The following ROBO1 variants were observed in gnomAD, a reference collection of about 807,000 sequenced individuals.
ROBO1 encodes the protein roundabout homolog 1.
In ROBO1, 149 loss-of-function variants were observed where a neutral mutation model predicts 195.9. The observed-to-expected ratio is 0.76, with a 90% confidence interval of 0.67 to 0.87. The LOEUF (loss-of-function observed/expected upper bound fraction) is 0.87. Ranked by LOEUF, ROBO1 falls within the 40% of genes least tolerant of loss-of-function variation. ROBO1 has a pLI of 0.00. For synonymous variants in ROBO1, 816 were observed against 733.2 expected (o/e 1.11, Z -1.82); for missense variants, 1,933 against 2,068.3 (o/e 0.93, Z 1.27).
chr3:79,569,963 T>G (rs1943225779), intron 2 of ROBO1, among the ~76,000 whole-genome samples: 1 of 150,792 alleles, frequency 6.6e-6, no homozygotes, highest in Admixed American at 6.6e-5. Flanking sequence ...TGGCCTGGCA[T>G]AGTGATGTTC....
chr3:78,614,012 A>G (rs1703964240), intron 28 of ROBO1, among the ~76,000 whole-genome samples: 2 of 152,204 alleles, frequency 1.3e-5, no homozygotes, highest in South Asian at 2.1e-4. Context: ...TAAAATGAGA[A>G]GGTGGTGGTT....
intron 28 of ROBO1, among the ~76,000 whole-genome samples, chr3:78,611,629 A>G (rs1013305432): frequency 2.0e-5 from 3 of 152,182 alleles, no homozygotes; most frequent in Non-Finnish European, 4.4e-5. Flanking sequence ...TTTGGCCACA[A>G]TGCCGGGTGT....
chr3:79,460,986 T>G (rs1289396299), intron 2 of ROBO1, among the ~76,000 whole-genome samples: 1 of 152,122 alleles, frequency 6.6e-6, no homozygotes, highest in Non-Finnish European at 1.5e-5. Context: ...TAAAAAAAAT[T>G]AATTGCACAT....
In ROBO1 at chr3:79,224,328, C is replaced by T. The variant is rs1236969763; in HGVS notation, c.89-98789G>A. On this transcript the variant is annotated intron_variant, in intron 2 of 30. Coordinates refer to ENST00000464233, the MANE Select transcript of ROBO1 (RefSeq NM_002941.4). ...CTCTCTTTAACAATTTTCATGCTTT[C>T]GGAGTCCTGTAGCTTAATTTTTGCA... Among the ~76,000 whole-genome samples the T allele has an allele frequency of 8.5e-5, 13 of 152,166 alleles. 2 individuals are homozygous for T. Among genetic ancestry groups the T allele is most frequent in the African/African-American group, 2.2e-4 (9 of 41,438 alleles).
At chr3:78,646,340 T>C (rs1706290176) in intron 20 of ROBO1, 150 bp from the exon 21 acceptor site, 1 of 553,070 alleles carries the variant, frequency 1.8e-6, no homozygotes, top group Admixed American at 3.2e-5. Flanking sequence ...ACAGATTGAT[T>C]CAACTAGTGA....
intron 2 of ROBO1, among the ~76,000 whole-genome samples, chr3:79,295,602 T>C (rs568735373): frequency 2.6e-5 from 4 of 151,484 alleles, no homozygotes; most frequent in Non-Finnish European, 5.9e-5. Flanking sequence ...ATAATAATAA[T>C]AAAAAAGAAA....
intron 3 of ROBO1, among the ~76,000 whole-genome samples, chr3:79,090,299 CTATT>C (rs1435506117): frequency 3.9e-5 from 6 of 152,124 alleles, no homozygotes; most frequent in African/African-American, 1.4e-4. Context: ...ATTAATCTTT[CTATT>C]TATTTGTTTT....
At chr3:78,759,714 C>CA (rs1200441829) in intron 4 of ROBO1, among the ~76,000 whole-genome samples, 1 of 152,090 alleles carries the variant, frequency 6.6e-6, no homozygotes, top group Non-Finnish European at 1.5e-5. Context: ...ATTATTGTAA[C>CA]ACAGTTCATT....
intron 4 of ROBO1, among the ~76,000 whole-genome samples, chr3:78,868,006 C>A (rs1282508499): frequency 6.6e-6 from 1 of 152,100 alleles, no homozygotes; most frequent in Non-Finnish European, 1.5e-5. Flanking sequence ...AGTTTCCCTG[C>A]TGATAGAGTT....
chr3:79,750,223 T>C (rs914522680), intron 1 of ROBO1, among the ~76,000 whole-genome samples: 2 of 152,222 alleles, frequency 1.3e-5, no homozygotes, highest in Non-Finnish European at 2.9e-5. Context: ...TTTGTTTTGG[T>C]CACTTTTTCC....
chr3:79,755,645 G>A (rs1397737505), intron 1 of ROBO1, among the ~76,000 whole-genome samples: 2 of 149,782 alleles, frequency 1.3e-5, no homozygotes, highest in Admixed American at 6.7e-5. Context: ...TAATCAGAAT[G>A]TGAATCATTA....
chr3:79,028,965 A>G (rs747595569), intron 3 of ROBO1, among the ~76,000 whole-genome samples: 1 of 152,090 alleles, frequency 6.6e-6, no homozygotes, highest in Admixed American at 6.5e-5. Flanking sequence ...CTAAATAGTT[A>G]CCTTTGGAAA....
At chr3:78,693,160 C>T in intron 8 of ROBO1, 4 of 652,204 alleles carry the variant, frequency 6.1e-6, no homozygotes, top group Non-Finnish European at 1.0e-5. Context: ...GTTACCTTTA[C>T]TCTTTTCACA....
intron 2 of ROBO1, among the ~76,000 whole-genome samples, chr3:79,543,971 A>T (rs1030610281): frequency 6.6e-6 from 1 of 152,150 alleles, no homozygotes; most frequent in African/African-American, 2.4e-5. Context: ...TAAACAAAAA[A>T]TGAGGAATGA....
chr3:78,989,543 G>A (rs1466906396), intron 3 of ROBO1, among the ~76,000 whole-genome samples: 1 of 152,194 alleles, frequency 6.6e-6, no homozygotes, highest in East Asian at 1.9e-4. Flanking sequence ...GAGCCCAGGA[G>A]GTAGAGGTTG....
chr3:78,853,002 G>A (rs2034169384), intron 4 of ROBO1, among the ~76,000 whole-genome samples: 1 of 152,096 alleles, frequency 6.6e-6, no homozygotes, highest in South Asian at 2.1e-4. Flanking sequence ...TTTCATTCAT[G>A]GAGACAAGAA....
chr3:78,711,274 T>C (rs1042358992), intron 8 of ROBO1, among the ~76,000 whole-genome samples: 2 of 151,832 alleles, frequency 1.3e-5, no homozygotes, highest in Non-Finnish European at 2.9e-5. Flanking sequence ...TTTCTTCCTT[T>C]CTTTCTTTCC....
chr3:78,877,411 A>G (rs2035919557), intron 4 of ROBO1, among the ~76,000 whole-genome samples: 1 of 152,126 alleles, frequency 6.6e-6, no homozygotes, highest in African/African-American at 2.4e-5. Context: ...ATTCTCTGAT[A>G]TGAAATAACA....
At chr3:79,733,095 T>C (rs993389099) in intron 1 of ROBO1, among the ~76,000 whole-genome samples, 5 of 152,168 alleles carry the variant, frequency 3.3e-5, no homozygotes, top group Middle Eastern at 3.2e-3. Flanking sequence ...TACCCGAGTG[T>C]CATTCTCAAG....
Sources: gnomAD v4.1 joint callset for allele counts (sites outside exome capture counted in the v4.1 genomes callset) on GRCh38, gnomAD v4.1.1 for gene constraint, MANE v1.5 for transcripts, NCBI Gene and HGNC (gene_info 2026-07-23, HGNC 2026-07-21) for gene names.